SPTBN1: variants seen among roughly 807,000 people sequenced by gnomAD.
SPTBN1 encodes spectrin beta, non-erythrocytic 1, also known as spectrin beta chain, non-erythrocytic 1.
In SPTBN1, 32 loss-of-function variants were observed where a neutral mutation model predicts 266.4. The ratio of observed to expected loss-of-function variants is 0.12; its 90% CI spans 0.09 to 0.16. The LOEUF is 0.16. Ranked by LOEUF, SPTBN1 falls within the 10% of genes least tolerant of loss-of-function variation. The pLI, the probability that SPTBN1 is intolerant of heterozygous loss-of-function variation, is 1.00. For synonymous variants in SPTBN1, 1,336 were observed against 1,162.2 expected, an observed-to-expected ratio of 1.15 and a Z score of -3.04; for missense variants, 2,296 against 3,067.1, an observed-to-expected ratio of 0.75 and a Z score of 5.94.
intron 3 of SPTBN1, among the ~76,000 whole-genome samples, chr2:54,606,096 T>G (rs1209806786): frequency 2.0e-5 from 3 of 152,218 alleles, no homozygotes; most frequent in Non-Finnish European, 4.4e-5. Flanking sequence ...TGTTTCCTGT[T>G]TGTGGGGAGG....
chr2:54,502,568 C>T (rs1399444734), intron 1 of SPTBN1, among the ~76,000 whole-genome samples: 1 of 152,036 alleles, frequency 6.6e-6, no homozygotes, highest in Non-Finnish European at 1.5e-5. Context: ...AGCTCCCTGC[C>T]TACTTTTCCT....
intron 2 of SPTBN1, among the ~76,000 whole-genome samples, chr2:54,578,982 C>A (rs1223520946): frequency 1.3e-5 from 2 of 152,060 alleles, no homozygotes; most frequent in Non-Finnish European, 2.9e-5. Flanking sequence ...CCATTTTTCC[C>A]AAGAAATTTT....
At chr2:54,640,373 G>A (rs1304998880) in intron 18 of SPTBN1, among the ~76,000 whole-genome samples, 1 of 152,024 alleles carries the variant, frequency 6.6e-6, no homozygotes, top group African/African-American at 2.4e-5. Context: ...GTTAGAGAAG[G>A]TGTGGATTGT....
At chr2:54,639,063 T>C (rs1679355054) in intron 18 of SPTBN1, among the ~76,000 whole-genome samples, 2 of 152,242 alleles carry the variant, frequency 1.3e-5, no homozygotes, top group African/African-American at 4.8e-5. Context: ...AATCTAGGTC[T>C]CTGGGGGATT....
chr2:54,529,917 T>C, intron 2 of SPTBN1: 1 of 357,014 alleles, frequency 2.8e-6, no homozygotes. Flanking sequence ...TGTGGTAGGC[T>C]AACCACTTGA....
At chr2:54,538,520 C>T (rs1416049896) in intron 2 of SPTBN1, among the ~76,000 whole-genome samples, 2 of 152,228 alleles carry the variant, frequency 1.3e-5, no homozygotes, top group African/African-American at 4.8e-5. Context: ...TGTGATACTT[C>T]CTGAAAACCT....
intron 28 of SPTBN1, 34 bp downstream of exon 28, chr2:54,655,242 G>T (rs766733041): frequency 1.2e-6 from 2 of 1,606,238 alleles, no homozygotes; most frequent in South Asian, 1.1e-5. Context: ...GCTGCAGCTG[G>T]CGTCAAGATG....
intron 26 of SPTBN1, among the ~76,000 whole-genome samples, chr2:54,651,085 T>C (rs995561801): frequency 3.9e-5 from 6 of 152,218 alleles, no homozygotes; most frequent in African/African-American, 1.4e-4. Flanking sequence ...TAGAAATGTT[T>C]TCTAATTATT....
rs374951191 is a variant in SPTBN1, at chr2:54,668,610, G to C, written c.*41G>C. ...CTCCTGCCCTTCTCTTACCTTTTCAGTGAAATTCCAGCATGCAAGCTCAGA... is the reference window on the plus strand; with the variant it reads ...CTCCTGCCCTTCTCTTACCTTTTCACTGAAATTCCAGCATGCAAGCTCAGA... On this transcript the variant is annotated 3_prime_UTR_variant, in exon 36 of 36. Transcript: ENST00000356805. The C allele has an allele frequency of 5.2e-6, 8 of 1,548,584 alleles. No individual in the cohort carries two copies. The highest frequency in any genetic ancestry group is 2.4e-5 in the East Asian group (1 of 41,058).
intron 1 of SPTBN1, among the ~76,000 whole-genome samples, chr2:54,498,084 GA>G (rs1397367353): frequency 6.6e-6 from 1 of 152,138 alleles, no homozygotes; most frequent in African/African-American, 2.4e-5. Flanking sequence ...GTCCCAATCT[GA>G]AAAAAACTTT....
intron 8 of SPTBN1, among the ~76,000 whole-genome samples, chr2:54,621,732 A>G (rs1403105915): frequency 6.6e-6 from 1 of 152,236 alleles, no homozygotes; most frequent in Non-Finnish European, 1.5e-5. Context: ...AAACCCAGCA[A>G]CATCTTTCTC....
At chr2:54,523,450 T>TG (rs1455081963) in intron 1 of SPTBN1, among the ~76,000 whole-genome samples, 1 of 152,104 alleles carries the variant, frequency 6.6e-6, no homozygotes, top group Non-Finnish European at 1.5e-5. Flanking sequence ...CAGGAACATG[T>TG]GGGGTGTGTT....
In SPTBN1 at chr2:54,668,788, A is replaced by G; in HGVS notation, c.*219A>G. 1 of 435,046 alleles carries G rather than the reference A, an allele frequency of 2.3e-6. No individual in the cohort carries two copies. The allele number at this position is 435,046 out of a possible 1,614,324, so 26.9% of individuals were successfully genotyped here. On this transcript the variant is annotated 3_prime_UTR_variant, in exon 36 of 36. Transcript: ENST00000356805. ...GTTTGAGGTGCAGAGGGAAGGCCAGATTTTTTTTTTAATGAAATTATATAG... is the reference window on the plus strand; with the variant it reads ...GTTTGAGGTGCAGAGGGAAGGCCAGGTTTTTTTTTTAATGAAATTATATAG...
intron 19 of SPTBN1, among the ~76,000 whole-genome samples, chr2:54,643,846 G>C (rs1679741448): frequency 6.6e-6 from 1 of 152,146 alleles, no homozygotes; most frequent in South Asian, 2.1e-4. Context: ...AGCCAGGCCT[G>C]GTGGTATGTG....
intron 1 of SPTBN1, among the ~76,000 whole-genome samples, chr2:54,488,705 A>G (rs1364386759): frequency 6.6e-6 from 1 of 152,024 alleles, no homozygotes; most frequent in Non-Finnish European, 1.5e-5. Flanking sequence ...CTCCTGATGT[A>G]TTTTTGGCTG....
Position 54,556,215 on chromosome 2 carries a change from C to G in SPTBN1, c.148+29649C>G, listed in dbSNP as rs1392339946. On this transcript the variant is annotated intron_variant, in intron 2 of 35. Transcript: ENST00000356805. ...GGGATCTGTCTTATTCTTCCCTGGT[C>G]CCATCACACCAAATGGATTCCCATT... Among the ~76,000 whole-genome samples, 5 of 152,218 alleles carry G rather than the reference C, an allele frequency of 3.3e-5. No individual in the cohort carries two copies. In the East Asian group the frequency reaches 9.6e-4, roughly 29 times the overall value.
At chr2:54,563,195 T>A (rs1408406584) in intron 2 of SPTBN1, among the ~76,000 whole-genome samples, 2 of 152,202 alleles carry the variant, frequency 1.3e-5, no homozygotes, top group Non-Finnish European at 2.9e-5. Context: ...ATGCCCACCC[T>A]AACCTGGTTC....
intron 1 of SPTBN1, among the ~76,000 whole-genome samples, chr2:54,472,581 G>A (rs560812290): frequency 1.3e-5 from 2 of 151,990 alleles, no homozygotes; most frequent in Admixed American, 6.6e-5. Context: ...CAATAGAAAG[G>A]CTTGTTTTTT....
chr2:54,601,228 A>C (rs1422060129), intron 3 of SPTBN1, among the ~76,000 whole-genome samples: 1 of 152,124 alleles, frequency 6.6e-6, no homozygotes, highest in African/African-American at 2.4e-5. Flanking sequence ...CATTTGTATT[A>C]CCCATTCTTC....
Sources: gnomAD v4.1 joint callset for allele counts (sites outside exome capture counted in the v4.1 genomes callset) on GRCh38, gnomAD v4.1.1 for gene constraint, MANE v1.5 for transcripts, NCBI Gene and HGNC (gene_info 2026-07-23, HGNC 2026-07-21) for gene names.